Variants in VAV3 observed in about 807,000 individuals in gnomAD.
VAV3 encodes guanine nucleotide exchange factor VAV3.
A neutral mutation model predicts 131.2 loss-of-function variants in VAV3; 94 were observed. That is an observed-to-expected ratio of 0.72 (90% confidence interval 0.61 to 0.85). VAV3 has a LOEUF of 0.85. Among genes scored for constraint, VAV3 ranks in the 40% least tolerant of loss-of-function variants. The pLI is 0.00. For missense variants in VAV3, 939 were observed against 1,002.7 expected (o/e 0.94, Z 0.86); for synonymous variants, 349 against 342.0 (o/e 1.02, Z -0.22).
At chr1:107,885,269 A>AT (rs1278961102) in intron 1 of VAV3, among the ~76,000 whole-genome samples, 1 of 151,558 alleles carries the variant, frequency 6.6e-6, no homozygotes, top group East Asian at 1.9e-4. Context: ...TTTTATTTTT[A>AT]TTTTTTTGAG....
At chr1:107,729,565 CATGGGT>C (rs1290781195) in intron 15 of VAV3, among the ~76,000 whole-genome samples, 1 of 152,136 alleles carries the variant, frequency 6.6e-6, no homozygotes, top group Non-Finnish European at 1.5e-5. Context: ...ACTGAAGGGG[CATGGGT>C]ACGGAATCCC....
chr1:107,691,037 T>C (rs1361045682), intron 17 of VAV3, among the ~76,000 whole-genome samples: 1 of 152,202 alleles, frequency 6.6e-6, no homozygotes, highest in Non-Finnish European at 1.5e-5. Flanking sequence ...ACTCTTAGAA[T>C]CTGCTGAGTT....
intron 2 of VAV3, among the ~76,000 whole-genome samples, chr1:107,827,741 T>C (rs1378582704): frequency 6.6e-6 from 1 of 152,236 alleles, no homozygotes; most frequent in Non-Finnish European, 1.5e-5. Flanking sequence ...TTATCCAATT[T>C]GAGGTTTTTT....
chr1:107,813,252 G>A (rs1021296284), intron 2 of VAV3, among the ~76,000 whole-genome samples: 2 of 152,136 alleles, frequency 1.3e-5, no homozygotes, highest in Admixed American at 1.3e-4. Flanking sequence ...GGACTTCATG[G>A]AAAAGGAGAG....
intron 15 of VAV3, among the ~76,000 whole-genome samples, chr1:107,741,279 G>C (rs1663005002): frequency 6.6e-6 from 1 of 152,188 alleles, no homozygotes; most frequent in Non-Finnish European, 1.5e-5. Flanking sequence ...AATTTCTTTT[G>C]AAACACTCAC....
At chr1:107,736,876 A>T (rs1274728926) in intron 15 of VAV3, among the ~76,000 whole-genome samples, 1 of 152,212 alleles carries the variant, frequency 6.6e-6, no homozygotes, top group Non-Finnish European at 1.5e-5. Context: ...TATGGAAACA[A>T]AAAAGAGCCC....
intron 2 of VAV3, among the ~76,000 whole-genome samples, chr1:107,854,922 C>T (rs1423092784): frequency 6.6e-6 from 1 of 152,216 alleles, no homozygotes; most frequent in Non-Finnish European, 1.5e-5. Context: ...TCCTGCTTAG[C>T]AGATGACTTT....
chr1:107,714,081 A>C (rs1355398691), intron 15 of VAV3, among the ~76,000 whole-genome samples: 1 of 152,124 alleles, frequency 6.6e-6, no homozygotes, highest in Non-Finnish European at 1.5e-5. Context: ...TTTCCATCAA[A>C]ACTAAAGATA....
At chr1:107,870,768 T>C (rs377139276) in intron 2 of VAV3, among the ~76,000 whole-genome samples, 22 of 152,250 alleles carry the variant, frequency 1.4e-4, no homozygotes, top group African/African-American at 4.8e-4. Flanking sequence ...CTGAACATGA[T>C]GAAACTATCC....
At chr1:107,752,463 T>A (rs1553201058) in intron 12 of VAV3, among the ~76,000 whole-genome samples, 1 of 152,200 alleles carries the variant, frequency 6.6e-6, no homozygotes, top group Non-Finnish European at 1.5e-5. Context: ...AATGGGACTT[T>A]GTCAAAATTA....
chr1:107,871,335 C>G (rs147843994), intron 2 of VAV3, among the ~76,000 whole-genome samples: 218 of 151,694 alleles, frequency 1.4e-3, no homozygotes, highest in African/African-American at 5.2e-3. Flanking sequence ...CCATTCCCCC[C>G]CTCTCCCCCC....
At chr1:107,635,198 T>C (rs1482502603) in intron 20 of VAV3, among the ~76,000 whole-genome samples, 3 of 151,988 alleles carry the variant, frequency 2.0e-5, no homozygotes, top group Non-Finnish European at 4.4e-5. Context: ...CTATTCACAA[T>C]AGCAAAGACT....
At chr1:107,819,419 C>A (rs990941469) in intron 2 of VAV3, among the ~76,000 whole-genome samples, 1 of 151,594 alleles carries the variant, frequency 6.6e-6, no homozygotes, top group Admixed American at 6.6e-5. Context: ...AGGCTATAAT[C>A]CCAGCTACTT....
At chr1:107,866,241 G>A (rs1460007235) in intron 2 of VAV3, among the ~76,000 whole-genome samples, 7 of 151,962 alleles carry the variant, frequency 4.6e-5, no homozygotes, top group Admixed American at 1.3e-4. Context: ...AATTTGCCTC[G>A]GTCTCTTTTT....
intron 5 of VAV3, among the ~76,000 whole-genome samples, chr1:107,771,242 T>C (rs1213312184): frequency 6.7e-6 from 1 of 149,436 alleles, no homozygotes; most frequent in Non-Finnish European, 1.5e-5. Context: ...CAACACCAGT[T>C]TTCTTGTCAG....
intron 2 of VAV3, among the ~76,000 whole-genome samples, chr1:107,868,594 G>T (rs763586357): frequency 1.3e-5 from 2 of 152,142 alleles, no homozygotes; most frequent in Non-Finnish European, 2.9e-5. Context: ...GCAAGGAAAA[G>T]AAAGCATTGA....
At chr1:107,749,209 G>T in intron 14 of VAV3, 132 bp from the exon 15 acceptor site, 2 of 832,992 alleles carry the variant, frequency 2.4e-6, no homozygotes, top group South Asian at 1.7e-5. Context: ...CAAGCTTATT[G>T]TAGTCAACTT....
intron 2 of VAV3, among the ~76,000 whole-genome samples, chr1:107,853,759 A>C (rs1669339171): frequency 6.6e-6 from 1 of 152,212 alleles, no homozygotes; most frequent in African/African-American, 2.4e-5. Flanking sequence ...CTATTTCCTA[A>C]ACACAATCCT....
At chr1:107,893,473 G>T (rs1345840557) in intron 1 of VAV3, among the ~76,000 whole-genome samples, 2 of 152,160 alleles carry the variant, frequency 1.3e-5, no homozygotes, top group African/African-American at 4.8e-5. Context: ...TATACAGGAA[G>T]AAGAGTTTAA....
Sources: allele counts gnomAD v4.1 joint callset (sites outside exome capture counted in the v4.1 genomes callset), GRCh38; gene constraint gnomAD v4.1.1; transcripts MANE v1.5; gene names NCBI Gene and HGNC (gene_info 2026-07-23, HGNC 2026-07-21).